The following PRG4 variants were observed in gnomAD, a reference collection of about 807,000 sequenced individuals.
PRG4 encodes the protein proteoglycan 4, also known as articular superficial zone protein.
A neutral mutation model predicts 91.2 loss-of-function variants in PRG4; 61 were observed. The ratio of observed to expected loss-of-function variants is 0.67; its 90% confidence interval spans 0.54 to 0.83. The LOEUF is 0.83. Ranked by LOEUF, PRG4 falls within the 40% of genes least tolerant of loss-of-function variation. The pLI is 0.00. For missense variants in PRG4, 1,564 were observed against 1,714.2 expected, an observed-to-expected ratio of 0.91 and a Z score of 1.55; for synonymous variants, 576 against 614.2, an observed-to-expected ratio of 0.94 and a Z score of 0.92.
Position 186,313,876 on chromosome 1 carries a change from C to A in PRG4, c.*98C>A. 2 of 1,462,430 alleles carry A rather than the reference C, an allele frequency of 1.4e-6. No homozygotes were observed. The highest frequency in any genetic ancestry group is 3.4e-5 in the Admixed American group (2 of 59,516). The allele number at this position is 1,462,430 out of a possible 1,614,324, so 90.6% of individuals were successfully genotyped here. On this transcript the variant is annotated 3_prime_UTR_variant, in exon 13 of 13. Coordinates refer to ENST00000445192, the MANE Select transcript of PRG4 (RefSeq NM_005807.6). ...AATAAAGAATATTGACATGAGTATA[C>A]CAGTTTATATATAAAAATGTTTTTA...
At chr1:186,304,731 C>T (rs1445353609) in intron 5 of PRG4, 63 bp from the exon 6 acceptor site, 9 of 1,551,662 alleles carry the variant, frequency 5.8e-6, no homozygotes, top group Non-Finnish European at 4.4e-6. Context: ...TGTGTTTAGA[C>T]TGGTGGTTCT....
Position 186,307,390 on chromosome 1 carries a change from C to G in PRG4, c.1671C>G (p.Thr557=). 6.3e-7 allele frequency: 1 copy of G among 1,599,232 alleles called. No homozygotes were observed. Among genetic ancestry groups the G allele is most frequent in the Non-Finnish European group, 8.5e-7 (1 of 1,175,524 alleles). The change falls in exon 7 of 13, where the codon ACC becomes ACG. Residue 557 remains threonine (T), a synonymous_variant. Coordinates refer to ENST00000445192, the MANE Select transcript of PRG4 (RefSeq NM_005807.6). ...CCAAGGAGCCTTCACCCACCACCACCAAGGAGCCTGCACCCACCACTCCCA... is the reference window on the plus strand; with the variant it reads ...CCAAGGAGCCTTCACCCACCACCACGAAGGAGCCTGCACCCACCACTCCCA... ...TTPKEPSPTT[T]KEPAPTTPKE...
At chr1:186,311,742 T>A (rs965211679) in intron 10 of PRG4, 146 bp downstream of exon 10, 139 of 841,700 alleles carry the variant, frequency 1.7e-4, no homozygotes, top group Non-Finnish European at 2.4e-4. Flanking sequence ...TTGAGGGTAG[T>A]ATTCTTATTG....
chr1:186,301,204 A>G (rs1420529249), intron 3 of PRG4, among the ~76,000 whole-genome samples: 1 of 152,202 alleles, frequency 6.6e-6, no homozygotes, highest in Non-Finnish European at 1.5e-5. Flanking sequence ...AGATCTGTAC[A>G]TTCAATTACT....
At position 186,309,049 on chromosome 1, in the gene PRG4, G is replaced by GAGAA. The variant is rs1376740664; in HGVS notation, c.3330_3331insAGAA (p.Pro1111ArgfsTer8). Reference sequence around the variant, plus strand: ...GAGAAACACCTCATATGCTTCTCAGGCCCCATGTGTTCATGCCTGAAGTTA... The same window carrying GAGAA: ...GAGAAACACCTCATATGCTTCTCAGGAGAACCCCATGTGTTCATGCCTGAAGTTA... On this transcript the variant is annotated frameshift_variant, in exon 7 of 13. Transcript: ENST00000445192. LOFTEE classifies it high-confidence loss of function. 1.1e-5 allele frequency: 18 copies of GAGAA among 1,613,806 alleles called. No individual in the cohort carries two copies. Among genetic ancestry groups the GAGAA allele is most frequent in the Non-Finnish European group, 1.4e-5 (17 of 1,179,854 alleles).
chr1:186,311,391 A>C, intron 9 of PRG4, 49 bp from the exon 10 acceptor site: 4 of 1,582,546 alleles, frequency 2.5e-6, no homozygotes, highest in Non-Finnish European at 3.5e-6. Context: ...GGAGTTCCAA[A>C]TCTTTTTTCC....
chr1:186,307,990 T>C lies in PRG4; in HGVS notation c.2271T>C (p.Thr757=), dbSNP rs1316559502. The change falls in exon 7 of 13, where the codon ACT becomes ACC. Residue 757 remains threonine (T), a synonymous_variant. Coordinates refer to ENST00000445192, the MANE Select transcript of PRG4 (RefSeq NM_005807.6). ...DKPAPTTPKG[T]APTTPKEPAP... ...CCGCTCCAACTACCCCTAAGGGGAC[T>C]GCTCCAACTACCCCTAAGGAGCCTG... 1 of 1,603,530 alleles carries C rather than the reference T, an allele frequency of 6.2e-7. No homozygotes were observed. The highest frequency in any genetic ancestry group is 1.4e-5 in the African/African-American group (1 of 71,478).
chr1:186,298,323 A>G (rs551764477), intron 2 of PRG4, among the ~76,000 whole-genome samples: 8 of 152,300 alleles, frequency 5.3e-5, no homozygotes, highest in African/African-American at 1.9e-4. Flanking sequence ...TGGAGGTTGC[A>G]TTAAGCTGAG....
intron 3 of PRG4, 98 bp downstream of exon 3, chr1:186,300,311 C>G: frequency 6.6e-7 from 1 of 1,507,880 alleles, no homozygotes; most frequent in East Asian, 2.3e-5. Context: ...CTGAGCCTCC[C>G]CTTGCACCCA....
At position 186,314,485 on chromosome 1, in the gene PRG4, A is replaced by G; in HGVS notation, c.*707A>G. ...GTCTACATGAAGTTTACAGATTGGT[A>G]AATATCACCTGCTCAACATGTAATT... On this transcript the variant is annotated 3_prime_UTR_variant, in exon 13 of 13. Coordinates refer to ENST00000445192, the MANE Select transcript of PRG4 (RefSeq NM_005807.6). The G allele has an allele frequency of 1.9e-6, 1 of 537,756 alleles. No homozygotes were observed. Among genetic ancestry groups the G allele is most frequent in the Non-Finnish European group, 3.2e-6 (1 of 317,368 alleles). The allele number at this position is 537,756 out of a possible 1,614,324, so 33.3% of individuals were successfully genotyped here. A position where few individuals can be genotyped will look rare whatever the true frequency, so the allele number is the denominator to read the frequency against.
At chr1:186,309,958 T>A in intron 8 of PRG4, 88 bp downstream of exon 8, 1 of 1,134,138 alleles carries the variant, frequency 8.8e-7, no homozygotes, top group East Asian at 2.4e-5. Context: ...CTAGTTTGGG[T>A]TGTTTTCTGG....
At chr1:186,298,620 A>G (rs1289366940) in intron 2 of PRG4, among the ~76,000 whole-genome samples, 1 of 151,792 alleles carries the variant, frequency 6.6e-6, no homozygotes, top group East Asian at 1.9e-4. Context: ...CCTCCCGAGT[A>G]GCTGGGATTA....
At chr1:186,301,991 A>C (rs1380160968) in intron 4 of PRG4, among the ~76,000 whole-genome samples, 4 of 152,144 alleles carry the variant, frequency 2.6e-5, no homozygotes, top group Non-Finnish European at 5.9e-5. Flanking sequence ...TTTTTTCTTC[A>C]GATATGGTTC....
At chr1:186,309,184 A>G in intron 7 of PRG4, 44 bp downstream of exon 7, 1 of 1,556,362 alleles carries the variant, frequency 6.4e-7, no homozygotes, top group South Asian at 1.1e-5. Flanking sequence ...TGGTAATGTT[A>G]GTTTACATCT....
At position 186,300,100 on chromosome 1, in the gene PRG4, G is replaced by C; in HGVS notation, c.86G>C (p.Ser29Thr). ...TATTGTATAATTTTAGATTTATCAA[G>C]CTGTGCAGGGAGATGTGGGGAAGGG... is the stretch of plus-strand genomic sequence containing the variant. Reference protein sequence around the residue: ...IQQVSSQDLSSCAGRCGEGYS... With the variant: ...IQQVSSQDLSTCAGRCGEGYS... The change falls in exon 3 of 13, where the codon AGC becomes ACC. Residue 29 changes from serine to threonine, a missense_variant. Physicochemically the swap from Ser to Thr is moderately conservative, Grantham distance 58. Around this residue, in one of 3 missense-constraint regions of PRG4, gnomAD observed 437 missense variants for 459.0 expected, o/e 0.95. Transcript: ENST00000445192. 1.2e-6 allele frequency: 2 copies of C among 1,613,958 alleles called. No homozygotes were observed. Among genetic ancestry groups the C allele is most frequent in the Non-Finnish European group, 1.7e-6 (2 of 1,179,806 alleles).
rs767841811 is a variant in PRG4 at position 186,307,987 on chromosome 1, G to A, written c.2268G>A (p.Gly756=). The A allele has an allele frequency of 2.2e-5, 35 of 1,604,516 alleles. No individual in the cohort carries two copies. The highest frequency in any genetic ancestry group is 2.7e-5 in the Non-Finnish European group (32 of 1,177,840). The stretch of plus-strand genomic sequence containing the variant: ...AGCCCGCTCCAACTACCCCTAAGGG[G>A]ACTGCTCCAACTACCCCTAAGGAGC... The part of the protein sequence containing the change: ...SDKPAPTTPK[G]TAPTTPKEPA... The change falls in exon 7 of 13, where the codon GGG becomes GGA. Residue 756 remains glycine (G), a synonymous_variant. Transcript: ENST00000445192.
chr1:186,307,459 CCCCAAGGAGCCTGCACCCACCACT>C lies in PRG4; in HGVS notation c.1749_1772del (p.Pro589_Thr596del). 1.3e-6 allele frequency: 2 copies of C among 1,572,202 alleles called. No individual in the cohort carries two copies. The highest frequency in any genetic ancestry group is 2.3e-5 in the South Asian group (2 of 86,298). ...CCCCCAAGAAGCCTGCCCCAACTAC[CCCCAAGGAGCCTGCACCCACCACT>C]CCCAAGGAACCTGCACCCACCACCA... On this transcript the variant is annotated inframe_deletion, in exon 7 of 13. Coordinates refer to ENST00000445192, the MANE Select transcript of PRG4 (RefSeq NM_005807.6).
At chr1:186,303,702 T>C (rs1656365896) in intron 4 of PRG4, among the ~76,000 whole-genome samples, 1 of 151,998 alleles carries the variant, frequency 6.6e-6, no homozygotes, top group African/African-American at 2.4e-5. Flanking sequence ...AAATGAATAT[T>C]AAAACAGAAA....
At chr1:186,310,762 A>G (rs1657154348) in intron 8 of PRG4, among the ~76,000 whole-genome samples, 1 of 150,144 alleles carries the variant, frequency 6.7e-6, no homozygotes, top group African/African-American at 2.5e-5. Context: ...TTAACCTCCC[A>G]AAGTGCTGGA....
Sources: gnomAD v4.1 joint callset for allele counts (sites outside exome capture counted in the v4.1 genomes callset) on GRCh38, gnomAD v4.1.1 for gene constraint, gnomAD v4.1.1 regional missense constraint, MANE v1.5 for transcripts, NCBI Gene and HGNC (gene_info 2026-07-23, HGNC 2026-07-21) for gene names.